NUDT16: variants seen among roughly 807,000 people sequenced by gnomAD.
The protein encoded by NUDT16 is nudix hydrolase 16.
NUDT16 carries 12 observed loss-of-function variants against 11.7 expected under a neutral mutation model. The observed-to-expected ratio is 1.03, with a 90% confidence interval of 0.66 to 1.67. The LOEUF (loss-of-function observed/expected upper bound fraction) is 1.67, where lower values mean the gene tolerates loss of function less well. Among genes scored for constraint, NUDT16 ranks in the 40% most tolerant of loss-of-function variants. NUDT16 has a pLI of 0.00. For missense variants in NUDT16, 303 were observed against 268.9 expected (o/e 1.13, Z -0.89); for synonymous variants, 129 against 122.6 (o/e 1.05, Z -0.35).
intron 2 of NUDT16, chr3:131,382,794 T>G: frequency 2.9e-6 from 3 of 1,051,678 alleles, no homozygotes; most frequent in Non-Finnish European, 3.9e-6. Context: ...CCTGCATTGG[T>G]GGTGGGGCGG....
chr3:131,382,043 C>A lies in NUDT16; in HGVS notation c.139-3C>A. Reference sequence around the variant, plus strand: ...TGCCAATCCCCGCTTCCCCCTCCCGCAGATGCAGATGCGCTTCGATGGACG... The same window carrying A: ...TGCCAATCCCCGCTTCCCCCTCCCGAAGATGCAGATGCGCTTCGATGGACG... On this transcript the variant is annotated splice_region_variant and splice_polypyrimidine_tract_variant and intron_variant, in intron 1 of 2. Transcript: ENST00000521288. 6.3e-7 allele frequency: 1 copy of A among 1,578,472 alleles called. No homozygotes were observed. Among genetic ancestry groups the A allele is most frequent in the Non-Finnish European group, 8.6e-7 (1 of 1,160,340 alleles).
chr3:131,386,780 G>C lies in NUDT16; in HGVS notation c.*3439G>C. The C allele has an allele frequency of 6.6e-6, 1 of 152,334 alleles. No homozygotes were observed. The highest frequency in any genetic ancestry group is 1.5e-5 in the Non-Finnish European group (1 of 68,060). The allele number at this position is 152,334 out of a possible 1,614,324, so 9.4% of individuals were successfully genotyped here. ...AGACAAAGTCCTCTGTGGTCACTTG[G>C]CATATGGCAAAGCTGCTGCTGTGGG... On this transcript the variant is annotated 3_prime_UTR_variant, in exon 3 of 3. Transcript: ENST00000521288.
Position 131,383,040 on chromosome 3 carries a change from G to C in NUDT16, c.409-122G>C, listed in dbSNP as rs151003566. The C allele has an allele frequency of 1.8e-6, 2 of 1,100,060 alleles. No homozygotes were observed. The highest frequency in any genetic ancestry group is 2.6e-6 in the Non-Finnish European group (2 of 759,696). 68.1% of individuals were successfully genotyped at this position (1,100,060 alleles called of 1,614,324 possible). A position where few individuals can be genotyped will look rare whatever the true frequency, so the allele number is the denominator to read the frequency against. On this transcript the variant is annotated intron_variant, in intron 2 of 2. Transcript: ENST00000521288. The surrounding 1 kb of genome is among the most constrained non-coding windows in gnomAD (Gnocchi z 4.4). ...GGGCCACTAGGCTTTAGTGAGGTGT[G>C]AGCCTTGGGCCTGGTTCTGCTGGAG... is the stretch of plus-strand genomic sequence containing the variant.
rs2097460564 is a variant in NUDT16 at position 131,387,384 on chromosome 3, T to G, written c.*4043T>G. 1 of 152,272 alleles carries G rather than the reference T, an allele frequency of 6.6e-6. No homozygotes were observed. Among genetic ancestry groups the G allele is most frequent in the South Asian group, 2.1e-4 (1 of 4,832 alleles). 9.4% of individuals were successfully genotyped at this position (152,272 alleles called of 1,614,324 possible). On this transcript the variant is annotated 3_prime_UTR_variant, in exon 3 of 3. Transcript: ENST00000521288. Reference sequence around the variant, plus strand: ...GAGATGAAATCTTGCAAAGGAACCCTTCTTACACTCGAAAAGCAAGAATAG... The same window carrying G: ...GAGATGAAATCTTGCAAAGGAACCCGTCTTACACTCGAAAAGCAAGAATAG...
In NUDT16 at chr3:131,388,109, T is replaced by C. The variant is rs2097461111; in HGVS notation, c.*4768T>C. 1 of 151,886 alleles carries C rather than the reference T, an allele frequency of 6.6e-6. No individual in the cohort carries two copies. The highest frequency in any genetic ancestry group is 2.1e-4 in the South Asian group (1 of 4,798). The allele number at this position is 151,886 out of a possible 1,614,324, so 9.4% of individuals were successfully genotyped here. On this transcript the variant is annotated 3_prime_UTR_variant, in exon 3 of 3. Transcript: ENST00000521288. ...GAAAGAATTTAAGGAGAGGGATCTC[T>C]CTGTTAGAGAACTTAACATTACCCT... is the stretch of plus-strand genomic sequence containing the variant.
In NUDT16 at chr3:131,382,158, C is replaced by T. The variant is rs147208920; in HGVS notation, c.251C>T (p.Ala84Val). ...NRELREELGE[A>V]AAAFRVERTD... ...GAGCTGCGCGAGGAGCTGGGCGAAG[C>T]GGCTGCCGCTTTCCGCGTGGAGCGC... is the stretch of plus-strand genomic sequence containing the variant. The change falls in exon 2 of 3, where the codon GCG becomes GTG. Residue 84 changes from alanine (A) to valine (V), a missense_variant. Ala to Val is a moderately conservative substitution (Grantham distance 64). Coordinates refer to ENST00000521288, the MANE Select transcript of NUDT16 (RefSeq NM_152395.3). The T allele has an allele frequency of 9.9e-6, 16 of 1,611,398 alleles. No individual in the cohort carries two copies. The African/African-American group carries it at 1.7e-4, about 17-fold the overall frequency.
Position 131,382,322 on chromosome 3 carries a change from CCAG to C in NUDT16, c.408+9_408+11del, listed in dbSNP as rs1165564209. On this transcript the variant is annotated splice_region_variant and intron_variant, in intron 2 of 2. Coordinates refer to ENST00000521288, the MANE Select transcript of NUDT16 (RefSeq NM_152395.3). Reference sequence around the variant, plus strand: ...CAAGGACCACGGGCTGGAGGTGGGACCAGCCTGGGACTCTGTCCCTTTCCCAAT... The same window carrying C: ...CAAGGACCACGGGCTGGAGGTGGGACCCTGGGACTCTGTCCCTTTCCCAAT... 2 of 1,612,818 alleles carry C rather than the reference CCAG, an allele frequency of 1.2e-6. No homozygotes were observed. The highest frequency in any genetic ancestry group is 1.7e-6 in the Non-Finnish European group (2 of 1,180,012).
intron 2 of NUDT16, 23 bp downstream of exon 2, chr3:131,382,338 T>C (rs377490323): frequency 6.2e-7 from 1 of 1,612,314 alleles, no homozygotes; most frequent in Non-Finnish European, 8.5e-7. Context: ...TGGGACTCTG[T>C]CCCTTTCCCA....
Position 131,383,335 on chromosome 3 carries a change from T to C in NUDT16, c.582T>C (p.His194=). 1.2e-6 allele frequency: 2 copies of C among 1,614,060 alleles called. No individual in the cohort carries two copies. Among genetic ancestry groups the C allele is most frequent in the Non-Finnish European group, 1.7e-6 (2 of 1,180,004 alleles). The part of the protein sequence containing the change: ...GSISGLKIPA[H]H ...TTTCAGGCCTTAAGATTCCAGCTCATCACTAGAGGCAGCCCTCCATGGACC... is the reference window on the plus strand; with the variant it reads ...TTTCAGGCCTTAAGATTCCAGCTCACCACTAGAGGCAGCCCTCCATGGACC... The change falls in exon 3 of 3, where the codon CAT becomes CAC. Residue 194 remains histidine (H), a synonymous_variant. Transcript: ENST00000521288. This position sits in a 1 kb window ranked among gnomAD's most constrained non-coding sequence, Gnocchi z 4.4.
chr3:131,383,072 G>A lies in NUDT16; in HGVS notation c.409-90G>A, dbSNP rs1404016337. Reference sequence around the variant, plus strand: ...GGGCCTGGTTCTGCTGGAGTATTAAGGGGTGAGGCCTGATCTGCTGGAGAA... The same window carrying A: ...GGGCCTGGTTCTGCTGGAGTATTAAAGGGTGAGGCCTGATCTGCTGGAGAA... On this transcript the variant is annotated intron_variant, in intron 2 of 2. Coordinates refer to ENST00000521288, the MANE Select transcript of NUDT16 (RefSeq NM_152395.3). The surrounding 1 kb of genome is among the most constrained non-coding windows in gnomAD (Gnocchi z 4.4). The A allele has an allele frequency of 2.1e-6, 3 of 1,395,546 alleles. No individual in the cohort carries two copies. The East Asian group carries it at 6.9e-5, about 32-fold the overall frequency. The allele number at this position is 1,395,546 out of a possible 1,614,324, so 86.4% of individuals were successfully genotyped here. A position where few individuals can be genotyped will look rare whatever the true frequency, so the allele number is the denominator to read the frequency against.
In NUDT16 at chr3:131,383,194, C is replaced by G; in HGVS notation, c.441C>G (p.Thr147=). Residue 147 remains threonine (T), a synonymous_variant, in exon 3 of 3, where the codon ACC becomes ACG. Transcript: ENST00000521288. This position sits in a 1 kb window ranked among gnomAD's most constrained non-coding sequence, Gnocchi z 4.4. ...VLGLVRVPLY[T]LRDGVGGLPT... Reference sequence around the variant, plus strand: ...GCCTGGTGCGAGTGCCCCTGTATACCCTGCGGGATGGTGTAGGAGGCCTGC... The same window carrying G: ...GCCTGGTGCGAGTGCCCCTGTATACGCTGCGGGATGGTGTAGGAGGCCTGC... 6.2e-7 allele frequency: 1 copy of G among 1,613,380 alleles called. No homozygotes were observed. Among genetic ancestry groups the G allele is most frequent in the Non-Finnish European group, 8.5e-7 (1 of 1,180,006 alleles).
At position 131,383,661 on chromosome 3, in the gene NUDT16, CT is replaced by C. The variant is rs2097457657; in HGVS notation, c.*321del. ...ACAACACACAGCCTGACACCTTCCCCTGGTCATGTCCAGTTTAACCTTGAAG... is the reference window on the plus strand; with the variant it reads ...ACAACACACAGCCTGACACCTTCCCCGGTCATGTCCAGTTTAACCTTGAAG... On this transcript the variant is annotated 3_prime_UTR_variant, in exon 3 of 3. Transcript: ENST00000521288. This position sits in a 1 kb window ranked among gnomAD's most constrained non-coding sequence, Gnocchi z 4.4. 6 of 570,102 alleles carry C rather than the reference CT, an allele frequency of 1.1e-5. No homozygotes were observed. The East Asian group carries it at 1.5e-4, about 14-fold the overall frequency. 35.3% of individuals were successfully genotyped at this position (570,102 alleles called of 1,614,324 possible).
chr3:131,383,339 T>C lies in NUDT16; in HGVS notation c.586T>C (p.Ter196GlnextTer8). The change falls in exon 3 of 3, where the codon TAG becomes CAG. Residue 196 changes from the stop codon to glutamine (Q), a stop_lost. Transcript: ENST00000521288. The surrounding 1 kb of genome is among the most constrained non-coding windows in gnomAD (Gnocchi z 4.4). ...ISGLKIPAHH[*>Q] ...AGGCCTTAAGATTCCAGCTCATCACTAGAGGCAGCCCTCCATGGACCCATG... is the reference window on the plus strand; with the variant it reads ...AGGCCTTAAGATTCCAGCTCATCACCAGAGGCAGCCCTCCATGGACCCATG... The C allele has an allele frequency of 6.2e-7, 1 of 1,614,034 alleles. No homozygotes were observed. Among genetic ancestry groups the C allele is most frequent in the Non-Finnish European group, 8.5e-7 (1 of 1,179,982 alleles).
At position 131,382,236 on chromosome 3, in the gene NUDT16, T is replaced by G; in HGVS notation, c.329T>G (p.Phe110Cys). The change falls in exon 2 of 3, where the codon TTC becomes TGC. Residue 110 changes from phenylalanine (F) to cysteine (C), a missense_variant. Coordinates refer to ENST00000521288, the MANE Select transcript of NUDT16 (RefSeq NM_152395.3). ...VGSGPRVVAH[F>C]YAKRLTLEEL... ...TCAGGGCCACGCGTTGTGGCCCACT[T>G]CTATGCCAAGCGTCTGACGCTCGAG... The G allele has an allele frequency of 6.2e-7, 1 of 1,611,752 alleles. No homozygotes were observed. Among genetic ancestry groups the G allele is most frequent in the African/African-American group, 1.3e-5 (1 of 74,940 alleles).
Position 131,385,720 on chromosome 3 carries a change from T to A in NUDT16, c.*2379T>A, listed in dbSNP as rs2097459532. On this transcript the variant is annotated 3_prime_UTR_variant, in exon 3 of 3. Coordinates refer to ENST00000521288, the MANE Select transcript of NUDT16 (RefSeq NM_152395.3). ...TTACCCTGACCCTTTTGTCAAACGT[T>A]ATCTAGATTAAACCTCAGTATAGGC... is the stretch of plus-strand genomic sequence containing the variant. 6.6e-6 allele frequency: 1 copy of A among 152,260 alleles called. No individual in the cohort carries two copies. Among genetic ancestry groups the A allele is most frequent in the South Asian group, 2.1e-4 (1 of 4,828 alleles). The allele number at this position is 152,260 out of a possible 1,614,324, so 9.4% of individuals were successfully genotyped here.
intron 2 of NUDT16, 143 bp downstream of exon 2, chr3:131,382,458 G>C: frequency 6.5e-7 from 1 of 1,537,458 alleles, no homozygotes; most frequent in Non-Finnish European, 8.7e-7. Flanking sequence ...AGTTGGGATC[G>C]TGATCATCTA....
rs746667066 is a variant in NUDT16, at chr3:131,386,163, T to C, written c.*2822T>C. 3 of 152,242 alleles carry C rather than the reference T, an allele frequency of 2.0e-5. No homozygotes were observed. The highest frequency in any genetic ancestry group is 2.9e-5 in the Non-Finnish European group (2 of 68,064). 9.4% of individuals were successfully genotyped at this position (152,242 alleles called of 1,614,324 possible). On this transcript the variant is annotated 3_prime_UTR_variant, in exon 3 of 3. Coordinates refer to ENST00000521288, the MANE Select transcript of NUDT16 (RefSeq NM_152395.3). ...CCCTTGAACATACTCTCCAAGTCAG[T>C]AGATTACCTCTCAGGCAGCCTTCAT... is the stretch of plus-strand genomic sequence containing the variant.
At position 131,388,318 on chromosome 3, in the gene NUDT16, A is replaced by C. The variant is rs1278785538; in HGVS notation, c.*4977A>C. 6.6e-6 allele frequency: 1 copy of C among 152,244 alleles called. No homozygotes were observed. The highest frequency in any genetic ancestry group is 1.9e-4 in the East Asian group (1 of 5,204). The allele number at this position is 152,244 out of a possible 1,614,324, so 9.4% of individuals were successfully genotyped here. A position where few individuals can be genotyped will look rare whatever the true frequency, so the allele number is the denominator to read the frequency against. On this transcript the variant is annotated 3_prime_UTR_variant, in exon 3 of 3. Transcript: ENST00000521288. Reference sequence around the variant, plus strand: ...TCTTGTTAAGTGATAGAAGGAAAATACTAACAGAACACATGTAACAGGAAC... The same window carrying C: ...TCTTGTTAAGTGATAGAAGGAAAATCCTAACAGAACACATGTAACAGGAAC...
upstream of NUDT16, chr3:131,381,710 G>A (rs2097455146): frequency 2.2e-6 from 3 of 1,365,932 alleles, no homozygotes; most frequent in Admixed American, 4.9e-5. Context: ...CAGGGATTGG[G>A]CCTTGCAGCA....
Sources: allele counts gnomAD v4.1 joint callset, GRCh38; gene constraint gnomAD v4.1.1; non-coding constraint Gnocchi (gnomAD v3.1); transcripts MANE v1.5; gene names NCBI Gene and HGNC (gene_info 2026-07-23, HGNC 2026-07-21).